RPA1: variants seen among roughly 807,000 people sequenced by gnomAD.
RPA1 encodes replication protein A 70 kDa DNA-binding subunit.
RPA1 carries 49 observed loss-of-function variants against 83.0 expected under a neutral mutation model. That is an observed-to-expected ratio of 0.59 (90% CI 0.47 to 0.75). The LOEUF is 0.75. RPA1 is among the 30% of genes least tolerant of loss of function. The pLI, the probability that RPA1 is intolerant of heterozygous loss-of-function variation, is 0.00. For synonymous variants in RPA1, 279 were observed against 281.8 expected, an observed-to-expected ratio of 0.99 and a Z score of 0.10; for missense variants, 693 against 776.1, an observed-to-expected ratio of 0.89 and a Z score of 1.27.
intron 1 of RPA1, among the ~76,000 whole-genome samples, chr17:1,837,544 C>A (rs902296199): frequency 1.3e-5 from 2 of 152,172 alleles, no homozygotes; most frequent in African/African-American, 2.4e-5. Context: ...AATCGCCAAC[C>A]TTTTCCAGTG....
At chr17:1,863,184 A>ATTTATTTTATTTTATTTTATTTTAT (rs71375562) in intron 5 of RPA1, among the ~76,000 whole-genome samples, 79 of 138,880 alleles carry the variant, frequency 5.7e-4, no homozygotes, top group East Asian at 5.1e-3. Flanking sequence ...CGCCCAACTA[A>ATTTATTTTATTTTATTTTATTTTAT]TTTATTTTAT....
At chr17:1,875,208 G>A (rs1375428742) in intron 6 of RPA1, among the ~76,000 whole-genome samples, 1 of 152,210 alleles carries the variant, frequency 6.6e-6, no homozygotes, top group East Asian at 1.9e-4. Flanking sequence ...TGGGGATTTG[G>A]AGGCGATCTA....
At chr17:1,858,657 G>A (rs1006680551) in intron 5 of RPA1, among the ~76,000 whole-genome samples, 2 of 151,750 alleles carry the variant, frequency 1.3e-5, no homozygotes, top group Admixed American at 1.3e-4. Flanking sequence ...TAGAGACGCG[G>A]TTTTGCCATG....
At chr17:1,849,667 G>A (rs367955271) in intron 4 of RPA1, among the ~76,000 whole-genome samples, 2 of 147,474 alleles carry the variant, frequency 1.4e-5, no homozygotes. Flanking sequence ...TCAAAACTTT[G>A]TTGGACGATG....
chr17:1,890,159 T>A (rs1448199813), intron 14 of RPA1, among the ~76,000 whole-genome samples: 1 of 151,654 alleles, frequency 6.6e-6, no homozygotes, highest in Non-Finnish European at 1.5e-5. Flanking sequence ...TGCTTGAGGC[T>A]GGGAGTTCGA....
chr17:1,879,328 C>T lies in RPA1; in HGVS notation c.873C>T (p.Asp291=), dbSNP rs562722987. 4.2e-5 allele frequency: 67 copies of T among 1,614,040 alleles called. No individual in the cohort carries two copies. In the South Asian group the frequency reaches 5.4e-4, roughly 13 times the overall value. The change falls in exon 10 of 17, where the codon GAC becomes GAT. Residue 291 remains aspartate, a synonymous_variant. Transcript: ENST00000254719. ...NNETSVMPCE[D]DHHLPTVQFD... ...AGACTTCCGTCATGCCCTGTGAGGA[C>T]GACCATCATTTACCTACGGTTCAGT...
At chr17:1,877,900 C>G (rs1320203729) in intron 8 of RPA1, among the ~76,000 whole-genome samples, 1 of 152,214 alleles carries the variant, frequency 6.6e-6, no homozygotes, top group Admixed American at 6.5e-5. Context: ...GTACGACAGT[C>G]TTGATAGCTG....
chr17:1,844,696 G>A lies in RPA1; in HGVS notation c.272+10G>A, dbSNP rs746228376. The A allele has an allele frequency of 1.1e-5, 17 of 1,599,272 alleles. No individual in the cohort carries two copies. Among genetic ancestry groups the A allele is most frequent in the Non-Finnish European group, 1.5e-5 (17 of 1,167,968 alleles). On this transcript the variant is annotated intron_variant, in intron 4 of 16. Transcript: ENST00000254719. Reference sequence around the variant, plus strand: ...CTCTGAAAGACGGAAGGTATGTGCTGTGTTTTTTTCTGTCTTATTGTATCG... The same window carrying A: ...CTCTGAAAGACGGAAGGTATGTGCTATGTTTTTTTCTGTCTTATTGTATCG...
intron 13 of RPA1, among the ~76,000 whole-genome samples, chr17:1,887,225 A>G (rs1914024557): frequency 6.6e-6 from 1 of 152,160 alleles, no homozygotes; most frequent in Non-Finnish European, 1.5e-5. Context: ...ATATGGGTGT[A>G]GTTGGTGGCA....
intron 5 of RPA1, among the ~76,000 whole-genome samples, chr17:1,868,190 CA>C (rs1243456834): frequency 6.6e-6 from 1 of 152,124 alleles, no homozygotes; most frequent in African/African-American, 2.4e-5. Context: ...TGTTAAAGCT[CA>C]GGGGGATAAG....
chr17:1,877,008 T>G (rs1913597074), intron 7 of RPA1, among the ~76,000 whole-genome samples: 1 of 152,232 alleles, frequency 6.6e-6, no homozygotes, highest in African/African-American at 2.4e-5. Flanking sequence ...GAGTTAGTAT[T>G]AAATCACTTT....
rs8064442 is a variant in RPA1, at chr17:1,830,016, A to C, written c.-78A>C. On this transcript the variant is annotated 5_prime_UTR_variant, in exon 1 of 17. Transcript: ENST00000254719. ...GGTGCGCGCAACTTCTCGGGCCAAT[A>C]ACTGCGCAGCGCGCGGGACCCGGGT... The C allele has an allele frequency of 1.6e-6, 2 of 1,224,868 alleles. No homozygotes were observed. Among genetic ancestry groups the C allele is most frequent in the Admixed American group, 4.2e-5 (1 of 23,634 alleles). 75.9% of individuals were successfully genotyped at this position (1,224,868 alleles called of 1,614,324 possible).
At chr17:1,854,162 TC>T (rs1032033646) in intron 5 of RPA1, 2 of 152,188 alleles carry the variant, frequency 1.3e-5, no homozygotes, top group African/African-American at 4.8e-5. Context: ...AGTCATTACT[TC>T]AGACAATTCT....
At chr17:1,892,011 A>ATTT in intron 15 of RPA1, 71 bp downstream of exon 15, 15 of 842,154 alleles carry the variant, frequency 1.8e-5, no homozygotes, top group Admixed American at 8.9e-5. Context: ...GACCCCACAC[A>ATTT]TTTTTTTTTT....
At position 1,849,938 on chromosome 17, in the gene RPA1, G is replaced by A. The variant is rs868680943; in HGVS notation, c.273-3163G>A. Among the ~76,000 whole-genome samples, 4 of 151,980 alleles carry A rather than the reference G, an allele frequency of 2.6e-5. 1 individual carries two copies. Among genetic ancestry groups the A allele is most frequent in the South Asian group, 4.2e-4 (2 of 4,810 alleles). On this transcript the variant is annotated intron_variant, in intron 4 of 16. Coordinates refer to ENST00000254719, the MANE Select transcript of RPA1 (RefSeq NM_002945.5). ...TGTAATCTCAACACTTTAGGAGGCCGAGGTGGGTGGATCACTTGAGGTCAG... is the reference window on the plus strand; with the variant it reads ...TGTAATCTCAACACTTTAGGAGGCCAAGGTGGGTGGATCACTTGAGGTCAG...
chr17:1,858,562 C>G (rs1359955205), intron 5 of RPA1: 4 of 655,408 alleles, frequency 6.1e-6, no homozygotes, highest in Non-Finnish European at 1.1e-5. Flanking sequence ...CTCCCGGGTT[C>G]AAGCGATCCT....
At chr17:1,890,131 A>T (rs1410140287) in intron 14 of RPA1, among the ~76,000 whole-genome samples, 1 of 152,190 alleles carries the variant, frequency 6.6e-6, no homozygotes, top group Non-Finnish European at 1.5e-5. Flanking sequence ...GCACTTTGGA[A>T]GGCTGAGGCA....
intron 1 of RPA1, among the ~76,000 whole-genome samples, chr17:1,837,506 G>A (rs1911870184): frequency 6.6e-6 from 1 of 152,126 alleles, no homozygotes; most frequent in African/African-American, 2.4e-5. Flanking sequence ...GTAATTGCTG[G>A]GTCACAGGTA....
At chr17:1,839,201 GTT>G (rs1282533929) in intron 1 of RPA1, among the ~76,000 whole-genome samples, 3 of 152,042 alleles carry the variant, frequency 2.0e-5, no homozygotes, top group Non-Finnish European at 4.4e-5. Context: ...ATGTGTATCT[GTT>G]TCTGGAATGT....
Sources: gnomAD v4.1 joint callset for allele counts (sites outside exome capture counted in the v4.1 genomes callset) on GRCh38, gnomAD v4.1.1 for gene constraint, MANE v1.5 for transcripts, NCBI Gene and HGNC (gene_info 2026-07-23, HGNC 2026-07-21) for gene names.